Variants in KRT72 observed in about 807,000 individuals in gnomAD.
KRT72 encodes keratin, type II cytoskeletal 72.
A neutral mutation model predicts 44.7 loss-of-function variants in KRT72; 44 were observed. That is an observed-to-expected ratio of 0.98 (90% CI 0.77 to 1.27). The LOEUF (loss-of-function observed/expected upper bound fraction) is 1.27, where lower values mean the gene tolerates loss of function less well. Ranked by LOEUF, KRT72 falls within the 50% of genes most tolerant of loss-of-function variation. The probability of loss-of-function intolerance (pLI) is 0.00; values close to 1 mark genes in which losing one functional copy is unlikely to be tolerated. For synonymous variants in KRT72, 302 were observed against 280.4 expected (o/e 1.08, Z -0.77); for missense variants, 736 against 667.1 (o/e 1.10, Z -1.14).
chr12:52,600,991 C>T (rs142557465), intron 1 of KRT72, 36 bp downstream of exon 1: 89 of 1,603,876 alleles, frequency 5.5e-5, no homozygotes, highest in Non-Finnish European at 7.1e-5. Context: ...TGCACATGCG[C>T]CCAACGCAGG....
At chr12:52,599,245 T>C (rs1489592359) in intron 1 of KRT72, 133 bp from the exon 2 acceptor site, 2 of 799,382 alleles carry the variant, frequency 2.5e-6, no homozygotes, top group Non-Finnish European at 4.2e-6. Context: ...TATCCCGGGG[T>C]GGATTCAGCC....
rs886312490 is a variant in KRT72, at chr12:52,592,250, C to T, written c.798+146G>A. 3 of 652,540 alleles carry T rather than the reference C, an allele frequency of 4.6e-6. No homozygotes were observed. The African/African-American group carries it at 5.5e-5, about 12-fold the overall frequency. The allele number at this position is 652,540 out of a possible 1,614,324, so 40.4% of individuals were successfully genotyped here. ...TCAAAACCTAGCTCATTGTTCAGCA[C>T]CCAGTAGGGCCTTGGTGAATGTCAG... On this transcript the variant is annotated intron_variant, in intron 4 of 8. Coordinates refer to ENST00000293745, the MANE Select transcript of KRT72 (RefSeq NM_080747.3).
intron 7 of KRT72, among the ~76,000 whole-genome samples, chr12:52,587,222 A>T (rs937413399): frequency 6.6e-6 from 1 of 152,016 alleles, no homozygotes; most frequent in Non-Finnish European, 1.5e-5. Context: ...GTGTGGGATC[A>T]TTAGGCCTCC....
intron 6 of KRT72, among the ~76,000 whole-genome samples, chr12:52,589,808 T>C (rs1007894838): frequency 1.3e-5 from 2 of 152,222 alleles, no homozygotes; most frequent in African/African-American, 4.8e-5. Context: ...TGGTAATAAC[T>C]TCGTCCAACC....
intron 1 of KRT72, among the ~76,000 whole-genome samples, chr12:52,600,627 T>C (rs1247354496): frequency 6.6e-6 from 1 of 152,186 alleles, no homozygotes; most frequent in Non-Finnish European, 1.5e-5. Flanking sequence ...TGCTTCTGCC[T>C]CATTTTTCTC....
intron 3 of KRT72, 109 bp from the exon 4 acceptor site, chr12:52,592,600 TG>T: frequency 1.2e-6 from 1 of 809,560 alleles, no homozygotes. Flanking sequence ...CTGTGCTTCA[TG>T]GGGGGCTCCC....
chr12:52,586,866 C>A, intron 8 of KRT72, 80 bp downstream of exon 8: 1 of 1,358,166 alleles, frequency 7.4e-7, no homozygotes, highest in South Asian at 1.2e-5. Context: ...ATTCTGATTT[C>A]TCTTTTGTGT....
At chr12:52,600,689 C>A in intron 1 of KRT72, among the ~76,000 whole-genome samples, 1 of 152,068 alleles carries the variant, frequency 6.6e-6, no homozygotes, top group East Asian at 1.9e-4. Context: ...GATTCTGAGA[C>A]CTCCCCAGCC....
chr12:52,596,556 T>TC (rs1315706359), intron 2 of KRT72, among the ~76,000 whole-genome samples: 2 of 150,546 alleles, frequency 1.3e-5, no homozygotes, highest in East Asian at 1.9e-4. Context: ...TTTTTTTCTT[T>TC]CTTTTTTTTT....
intron 8 of KRT72, 84 bp from the exon 9 acceptor site, chr12:52,586,256 C>T (rs544861021): frequency 2.7e-5 from 32 of 1,175,220 alleles, no homozygotes; most frequent in Non-Finnish European, 3.7e-5. Context: ...GGGCCACCTC[C>T]TTTACTCTCG....
rs768360520 is a variant in KRT72, at chr12:52,586,986, G to GC, written c.1311-7_1311-6insG. The GC allele has an allele frequency of 1.2e-5, 20 of 1,613,558 alleles. No individual in the cohort carries two copies. The Admixed American group carries it at 3.3e-4, about 27-fold the overall frequency. ...TTGGATATTCGCCAGACATCCTGAAGAAGGAGAAGAAAAACAGGTAAATCC... is the reference window on the plus strand; with the variant it reads ...TTGGATATTCGCCAGACATCCTGAAGCAAGGAGAAGAAAAACAGGTAAATCC... On this transcript the variant is annotated splice_region_variant and splice_polypyrimidine_tract_variant and intron_variant, in intron 7 of 8. Coordinates refer to ENST00000293745, the MANE Select transcript of KRT72 (RefSeq NM_080747.3).
At chr12:52,600,444 T>C (rs1212203273) in intron 1 of KRT72, among the ~76,000 whole-genome samples, 1 of 152,208 alleles carries the variant, frequency 6.6e-6, no homozygotes. Flanking sequence ...ACGTTTTGGC[T>C]GTGTCCCCAC....
At chr12:52,589,542 A>G (rs1171268444) in intron 6 of KRT72, among the ~76,000 whole-genome samples, 2 of 152,238 alleles carry the variant, frequency 1.3e-5, no homozygotes, top group African/African-American at 2.4e-5. Context: ...GGTCTTGTGA[A>G]CATGGCCCGA....
intron 1 of KRT72, among the ~76,000 whole-genome samples, chr12:52,600,723 A>G (rs1042695335): frequency 1.5e-5 from 2 of 137,594 alleles, no homozygotes; most frequent in Admixed American, 1.4e-4. Context: ...AGTCCAATGA[A>G]ACCTCTTTTT....
intron 4 of KRT72, 44 bp downstream of exon 4, chr12:52,592,352 G>C (rs775921357): frequency 7.2e-7 from 1 of 1,391,084 alleles, no homozygotes; most frequent in African/African-American, 1.4e-5. Flanking sequence ...GAAACCTCTT[G>C]TTAAAGGAGC....
intron 1 of KRT72, among the ~76,000 whole-genome samples, chr12:52,599,830 C>G (rs1940352531): frequency 6.6e-6 from 1 of 152,256 alleles, no homozygotes; most frequent in South Asian, 2.1e-4. Flanking sequence ...CCACCACCAA[C>G]TGTCCTGTCC....
In KRT72 at chr12:52,601,105, G is replaced by T. The variant is rs750334190; in HGVS notation, c.348C>A (p.Pro116=). The T allele has an allele frequency of 8.7e-6, 14 of 1,612,684 alleles. No homozygotes were observed. Among genetic ancestry groups the T allele is most frequent in the Non-Finnish European group, 1.0e-5 (12 of 1,179,562 alleles). Residue 116 remains proline, a synonymous_variant, in exon 1 of 9, where the codon CCC becomes CCA. Coordinates refer to ENST00000293745, the MANE Select transcript of KRT72 (RefSeq NM_080747.3). ...LLAPLNVEMD[P]EIQRVRAQER... ...CCTGGGCGCGCACCCTCTGGATCTC[G>T]GGGTCCATCTCCACGTTGAGCGGGG...
chr12:52,602,785 T>C (rs1940520843), upstream of KRT72, among the ~76,000 whole-genome samples: 1 of 152,186 alleles, frequency 6.6e-6, no homozygotes, highest in Non-Finnish European at 1.5e-5. Context: ...TGGGTTCCCC[T>C]TGGGGACCTC....
chr12:52,587,937 C>T, intron 6 of KRT72, 86 bp from the exon 7 acceptor site: 1 of 1,280,298 alleles, frequency 7.8e-7, no homozygotes, highest in East Asian at 2.5e-5. Flanking sequence ...TTTGTCCTGA[C>T]TGATGGCAAC....
Sources: gnomAD v4.1 joint callset for allele counts (sites outside exome capture counted in the v4.1 genomes callset) on GRCh38, gnomAD v4.1.1 for gene constraint, MANE v1.5 for transcripts, NCBI Gene and HGNC (gene_info 2026-07-23, HGNC 2026-07-21) for gene names.